The following HIVEP3 variants were observed in gnomAD, a reference collection of about 807,000 sequenced individuals.
HIVEP3 encodes the protein transcription factor HIVEP3.
HIVEP3 carries 49 observed loss-of-function variants against 152.8 expected under a neutral mutation model. The ratio of observed to expected loss-of-function variants is 0.32; its 90% CI spans 0.26 to 0.41. The LOEUF (loss-of-function observed/expected upper bound fraction) is 0.41, where lower values mean the gene tolerates loss of function less well. Among genes scored for constraint, HIVEP3 ranks in the 10% least tolerant of loss-of-function variants. The pLI, the probability that HIVEP3 is intolerant of heterozygous loss-of-function variation, is 1.00. For missense variants in HIVEP3, 2,790 were observed against 3,103.3 expected, an observed-to-expected ratio of 0.90 and a Z score of 2.40; for synonymous variants, 1,269 against 1,289.0, an observed-to-expected ratio of 0.98 and a Z score of 0.33.
chr1:41,529,448 A>ACCCCCCC (rs1553221539), intron 5 of HIVEP3, among the ~76,000 whole-genome samples: 1 of 75,404 alleles, frequency 1.3e-5, no homozygotes, highest in African/African-American at 6.1e-5. Flanking sequence ...CTCACACCCC[A>ACCCCCCC]CACCCTCACA....
At chr1:41,642,258 G>A (rs1348350268) in intron 2 of HIVEP3, among the ~76,000 whole-genome samples, 1 of 152,186 alleles carries the variant, frequency 6.6e-6, no homozygotes, top group Non-Finnish European at 1.5e-5. Context: ...TCCTTCAGTG[G>A]TTCTCCTTAG....
At chr1:41,929,709 T>A (rs1226416221) in intron 1 of HIVEP3, among the ~76,000 whole-genome samples, 2 of 119,770 alleles carry the variant, frequency 1.7e-5, no homozygotes, top group African/African-American at 6.4e-5. Context: ...TATGTGTGAG[T>A]GTGTGTATAT....
intron 3 of HIVEP3, among the ~76,000 whole-genome samples, chr1:41,619,647 T>G (rs960551795): frequency 9.2e-5 from 14 of 152,098 alleles, no homozygotes; most frequent in African/African-American, 3.1e-4. Flanking sequence ...CTGACTGGTA[T>G]GGGTGTTAGG....
intron 5 of HIVEP3, among the ~76,000 whole-genome samples, chr1:41,562,491 CCCTT>C (rs964599097): frequency 2.6e-5 from 4 of 152,110 alleles, no homozygotes; most frequent in Admixed American, 6.5e-5. Context: ...CCCTTTCCTT[CCCTT>C]CCTTCCTTCC....
At chr1:41,764,044 C>T (rs1008876785) in intron 1 of HIVEP3, among the ~76,000 whole-genome samples, 3 of 146,074 alleles carry the variant, frequency 2.1e-5, no homozygotes, top group African/African-American at 7.4e-5. Flanking sequence ...AGGACAGATG[C>T]GGGGCCCAGA....
At chr1:41,576,018 T>C (rs1209519632) in intron 4 of HIVEP3, among the ~76,000 whole-genome samples, 1 of 152,192 alleles carries the variant, frequency 6.6e-6, no homozygotes, top group Non-Finnish European at 1.5e-5. Context: ...CTCATCTTGG[T>C]CTCCTTGGGC....
At chr1:41,919,241 C>G (rs1570809623), upstream of HIVEP3, among the ~76,000 whole-genome samples, 4 of 152,248 alleles carry the variant, frequency 2.6e-5, no homozygotes, top group Admixed American at 2.6e-4. Context: ...ACACTATGAT[C>G]CTTCACTTCT....
chr1:41,804,772 A>G (rs1650502960), intron 1 of HIVEP3, among the ~76,000 whole-genome samples: 1 of 152,196 alleles, frequency 6.6e-6, no homozygotes, highest in Admixed American at 6.5e-5. Context: ...TGACCCTCCA[A>G]TAGGCTGGTC....
chr1:41,938,307 A>C (rs1460648185), intron 1 of HIVEP3, among the ~76,000 whole-genome samples: 1 of 152,160 alleles, frequency 6.6e-6, no homozygotes, highest in Non-Finnish European at 1.5e-5. Flanking sequence ...CCACCATACC[A>C]TACCGTGCAT....
At chr1:41,903,898 T>C (rs1644667080) in intron 1 of HIVEP3, among the ~76,000 whole-genome samples, 1 of 148,292 alleles carries the variant, frequency 6.7e-6, no homozygotes, top group African/African-American at 2.6e-5. Flanking sequence ...ATTTTCCTTT[T>C]TTTTTCTTTT....
At chr1:41,633,756 C>T (rs1645230069) in intron 2 of HIVEP3, among the ~76,000 whole-genome samples, 2 of 152,280 alleles carry the variant, frequency 1.3e-5, no homozygotes, top group African/African-American at 4.8e-5. Flanking sequence ...CAAGCCCCCA[C>T]ATTGACACAC....
At chr1:41,875,588 G>A (rs1570717524) in intron 1 of HIVEP3, among the ~76,000 whole-genome samples, 1 of 152,218 alleles carries the variant, frequency 6.6e-6, no homozygotes, top group African/African-American at 2.4e-5. Context: ...GCTCTAGACA[G>A]GGCTGCTCTC....
chr1:41,872,502 C>T (rs1283043955), intron 1 of HIVEP3, among the ~76,000 whole-genome samples: 2 of 152,144 alleles, frequency 1.3e-5, no homozygotes, highest in Non-Finnish European at 2.9e-5. Flanking sequence ...CCTTCTCAGG[C>T]CATATGCAGT....
At chr1:41,917,777 G>C (rs926635366) in intron 1 of HIVEP3, among the ~76,000 whole-genome samples, 1 of 152,080 alleles carries the variant, frequency 6.6e-6, no homozygotes, top group Non-Finnish European at 1.5e-5. Context: ...GTTTGGGTTT[G>C]GTTGGGTCAG....
chr1:41,954,927 G>GC (rs1354560177), intron 1 of HIVEP3, among the ~76,000 whole-genome samples: 1 of 150,530 alleles, frequency 6.6e-6, no homozygotes, highest in Non-Finnish European at 1.5e-5. Flanking sequence ...GATATCCATT[G>GC]TTATTATTCT....
rs192863511 is a variant in HIVEP3 at position 41,962,973 on chromosome 1, C to A, written n.120-44449G>T. 1.3e-4 allele frequency among the ~76,000 whole-genome samples: 20 copies of A among 152,324 alleles called. No individual in the cohort carries two copies. The East Asian group carries it at 3.5e-3, about 26-fold the overall frequency. ...ACTAACTAGATGCCAGTAACACCTT[C>A]TCCTCACCTGCAGATATCAAAACCA... On this transcript the variant is annotated intron_variant and non_coding_transcript_variant, in intron 1 of 3. Coordinates refer to the HIVEP3 transcript ENST00000489103.
rs185532802 is a variant in HIVEP3 at position 41,700,932 on chromosome 1, G to A, written c.-737C>T. ...AGGGCTCACCTGCCAAAAACCAGCC[G>A]TGGTCTCATGGTCAAGATGTGTCAG... is the stretch of plus-strand genomic sequence containing the variant. On this transcript the variant is annotated 5_prime_UTR_variant, in exon 2 of 9. The change creates a new upstream start codon in the 5' untranslated region. Coordinates refer to ENST00000372583, the MANE Select transcript of HIVEP3 (RefSeq NM_024503.5). 1.8e-4 allele frequency: 181 copies of A among 985,446 alleles called. No homozygotes were observed. The African/African-American group carries it at 2.7e-3, about 15-fold the overall frequency. The allele number at this position is 985,446 out of a possible 1,614,324, so 61.0% of individuals were successfully genotyped here.
intron 1 of HIVEP3, among the ~76,000 whole-genome samples, chr1:41,741,673 T>G (rs377250899): frequency 6.6e-6 from 1 of 152,234 alleles, no homozygotes; most frequent in Non-Finnish European, 1.5e-5. Flanking sequence ...TGCTGCCCTA[T>G]CCATCTGATT....
chr1:41,527,265 GC>G (rs1558029320), intron 5 of HIVEP3, among the ~76,000 whole-genome samples: 1 of 38,886 alleles, frequency 2.6e-5, no homozygotes, highest in Non-Finnish European at 5.6e-5. Context: ...ACCCTCACAT[GC>G]TCACCCTCAC....
Sources: gnomAD v4.1 joint callset for allele counts (sites outside exome capture counted in the v4.1 genomes callset) on GRCh38, gnomAD v4.1.1 for gene constraint, MANE v1.5 for transcripts, NCBI Gene and HGNC (gene_info 2026-07-23, HGNC 2026-07-21) for gene names.